Variants in ZNF732 observed in about 807,000 individuals in gnomAD.
The protein encoded by ZNF732 is zinc finger protein LOC654254.
A neutral mutation model predicts 11.5 loss-of-function variants in ZNF732; 12 were observed. The ratio of observed to expected loss-of-function variants is 1.05; its 90% confidence interval spans 0.67 to 1.70. ZNF732 has a LOEUF of 1.70. Ranked by LOEUF, ZNF732 falls within the 40% of genes most tolerant of loss-of-function variation. The probability of loss-of-function intolerance (pLI) is 0.00; values close to 1 mark genes in which losing one functional copy is unlikely to be tolerated. For synonymous variants in ZNF732, 231 were observed against 236.5 expected, an observed-to-expected ratio of 0.98 and a Z score of 0.21; for missense variants, 702 against 676.9, an observed-to-expected ratio of 1.04 and a Z score of -0.41.
Position 296,054 on chromosome 4 carries a change from C to T in ZNF732, c.105G>A (p.Glu35=), listed in dbSNP as rs920845407. The T allele has an allele frequency of 6.2e-7, 1 of 1,613,756 alleles. No individual in the cohort carries two copies. Among genetic ancestry groups the T allele is most frequent in the Non-Finnish European group, 8.5e-7 (1 of 1,179,852 alleles). ...CCAGGGAGATCAGGTTCCTGTAGTTCTCCAACATCACATCTCTATACAAAT... is the reference window on the plus strand; with the variant it reads ...CCAGGGAGATCAGGTTCCTGTAGTTTTCCAACATCACATCTCTATACAAAT... The part of the protein sequence containing the change: ...QQNLYRDVML[E]NYRNLISLGV... The change falls in exon 2 of 4, where the codon GAG becomes GAA. Residue 35 remains glutamate (E), a synonymous_variant. Coordinates refer to ENST00000419098, the MANE Select transcript of ZNF732 (RefSeq NM_001137608.3).
At chr4:299,579 T>C (rs1314839208) in intron 1 of ZNF732, among the ~76,000 whole-genome samples, 3 of 139,648 alleles carry the variant, frequency 2.1e-5, no homozygotes, top group African/African-American at 5.4e-5. Flanking sequence ...ATATATATAA[T>C]TTATATATAA....
intron 1 of ZNF732, among the ~76,000 whole-genome samples, chr4:304,442 A>G (rs562933659): frequency 1.3e-5 from 2 of 152,230 alleles, no homozygotes; most frequent in South Asian, 2.1e-4. Flanking sequence ...CTTCTGACAG[A>G]AAACGTGCGG....
chr4:288,341 TTCCTA>T (rs1257694121), intron 3 of ZNF732, among the ~76,000 whole-genome samples: 4 of 152,214 alleles, frequency 2.6e-5, no homozygotes, highest in African/African-American at 9.6e-5. Context: ...ATAGTCTCTA[TTCCTA>T]TATTTTCTTC....
chr4:286,256 A>G (rs1204773944), intron 3 of ZNF732, among the ~76,000 whole-genome samples: 6 of 152,254 alleles, frequency 3.9e-5, no homozygotes, highest in Non-Finnish European at 5.9e-5. Context: ...AAAACTAATT[A>G]TGAAGCTATA....
intron 3 of ZNF732, among the ~76,000 whole-genome samples, chr4:280,424 C>CA (rs1407934645): frequency 1.3e-5 from 2 of 151,488 alleles, no homozygotes; most frequent in African/African-American, 2.4e-5. Flanking sequence ...AAATACAAAA[C>CA]AAAAAAATTA....
chr4:300,310 A>G (rs1232773097), intron 1 of ZNF732, among the ~76,000 whole-genome samples: 2 of 151,588 alleles, frequency 1.3e-5, no homozygotes, highest in African/African-American at 4.8e-5. Flanking sequence ...AAAAATACAA[A>G]AAATTAGCCA....
chr4:275,231 TAAAGA>T (rs1199577499), intron 3 of ZNF732, among the ~76,000 whole-genome samples: 1 of 151,522 alleles, frequency 6.6e-6, no homozygotes, highest in Non-Finnish European at 1.5e-5. Flanking sequence ...AGAGTAGAAA[TAAAGA>T]AAACTAAAAA....
intron 3 of ZNF732, among the ~76,000 whole-genome samples, chr4:274,579 G>A (rs1333637500): frequency 1.3e-5 from 2 of 151,436 alleles, no homozygotes; most frequent in African/African-American, 2.4e-5. Context: ...CAAATAAGGG[G>A]ATTGACTGCA....
At chr4:283,959 G>A (rs6843821) in intron 3 of ZNF732, among the ~76,000 whole-genome samples, 2,051 of 152,180 alleles carry the variant, frequency 0.013, 55 homozygotes, top group African/African-American at 0.047. Flanking sequence ...CGCCCAGGCT[G>A]TAGTGCAGTG....
In ZNF732 at chr4:272,075, C is replaced by T. The variant is rs1719390960; in HGVS notation, c.782G>A (p.Arg261Lys). 1.2e-6 allele frequency: 2 copies of T among 1,610,530 alleles called. No homozygotes were observed. The highest frequency in any genetic ancestry group is 1.7e-6 in the Non-Finnish European group (2 of 1,178,434). The stretch of plus-strand genomic sequence containing the variant: ...CTTATGCTTAGTAAGGGTTGAGGAC[C>T]TATTAAAGGCTTTGCCACATTCTTC... ...KYEECGKAFN[R>K]SSTLTKHKRI... The change falls in exon 4 of 4, where the codon AGG (arginine) becomes AAG (lysine). Residue 261 changes from arginine (R) to lysine (K), a missense_variant. Physicochemically the swap from Arg to Lys is conservative, Grantham distance 26 (BLOSUM62 2). Transcript: ENST00000419098.
chr4:295,994 G>A (rs782547942), intron 2 of ZNF732, 35 bp downstream of exon 2: 19 of 1,599,248 alleles, frequency 1.2e-5, no homozygotes, highest in Non-Finnish European at 1.5e-5. Context: ...CTCCCTGAGG[G>A]AGTATTAGGA....
chr4:293,869 G>A (rs946698212), intron 3 of ZNF732, among the ~76,000 whole-genome samples: 13 of 151,750 alleles, frequency 8.6e-5, no homozygotes, highest in Non-Finnish European at 1.8e-4. Context: ...TTCATATCAC[G>A]CAAACACAGA....
rs1383374112 is a variant in ZNF732, at chr4:271,850, CAT to C, written c.1005_1006del (p.Cys336Ter). 14 of 1,613,088 alleles carry C rather than the reference CAT, an allele frequency of 8.7e-6. No individual in the cohort carries two copies. The highest frequency in any genetic ancestry group is 2.2e-5 in the South Asian group (2 of 91,016). The stretch of plus-strand genomic sequence containing the variant: ...ACTAAAGGCTTTGCCACATTCTTCA[CAT>C]GTGTAGGGTTTCTCTCCAGTATGAA... On this transcript the variant is annotated frameshift_variant, in exon 4 of 4. Coordinates refer to ENST00000419098, the MANE Select transcript of ZNF732 (RefSeq NM_001137608.3). LOFTEE classifies it low-confidence loss of function (END_TRUNC).
At chr4:299,461 G>GTATATATATATATACACACATGTGTA (rs61392588) in intron 1 of ZNF732, among the ~76,000 whole-genome samples, 1 of 83,570 alleles carries the variant, frequency 1.2e-5, no homozygotes, top group African/African-American at 5.9e-5. Flanking sequence ...ACACATATGT[G>GTATATATATATATACACACATGTGTA]TATATATATA....
At chr4:300,075 T>C (rs1277561686) in intron 1 of ZNF732, among the ~76,000 whole-genome samples, 1 of 151,880 alleles carries the variant, frequency 6.6e-6, no homozygotes, top group Non-Finnish European at 1.5e-5. Context: ...AAATTCTTAT[T>C]GGCTTATAGA....
chr4:288,541 C>T (rs1325636657), intron 3 of ZNF732, among the ~76,000 whole-genome samples: 2 of 152,142 alleles, frequency 1.3e-5, no homozygotes, highest in Non-Finnish European at 2.9e-5. Context: ...TGTTGAAGAT[C>T]ATTTGAGCAT....
chr4:297,046 G>A (rs1553842493), intron 1 of ZNF732, among the ~76,000 whole-genome samples: 1 of 152,142 alleles, frequency 6.6e-6, no homozygotes, highest in African/African-American at 2.4e-5. Context: ...GTGGTGGGGG[G>A]ATCACAAGGT....
rs1450179652 is a variant in ZNF732 at position 271,379 on chromosome 4, TTA to T, written c.1476_1477del (p.His492GlnfsTer13). The T allele has an allele frequency of 6.3e-7, 1 of 1,599,622 alleles. No individual in the cohort carries two copies. Among genetic ancestry groups the T allele is most frequent in the African/African-American group, 1.3e-5 (1 of 74,546 alleles). Reference sequence around the variant, plus strand: ...AGGTTTCTCTCCAGTATGAATTGTCTTATGTTTATTCAGGGCTCTGGAACATA... The same window carrying T: ...AGGTTTCTCTCCAGTATGAATTGTCTTGTTTATTCAGGGCTCTGGAACATA... On this transcript the variant is annotated frameshift_variant, in exon 4 of 4. Transcript: ENST00000419098. LOFTEE classifies it low-confidence loss of function (END_TRUNC).
intron 3 of ZNF732, among the ~76,000 whole-genome samples, chr4:276,338 T>TAC (rs1241977263): frequency 2.6e-5 from 4 of 151,958 alleles, no homozygotes; most frequent in Admixed American, 2.6e-4. Context: ...TCTTACAGTG[T>TAC]ACATAGCTGA....
Sources: allele counts gnomAD v4.1 joint callset (sites outside exome capture counted in the v4.1 genomes callset), GRCh38; gene constraint gnomAD v4.1.1; transcripts MANE v1.5; gene names NCBI Gene and HGNC (gene_info 2026-07-23, HGNC 2026-07-21).